The following LRRK1 variants were observed in gnomAD, a reference collection of about 807,000 sequenced individuals.
LRRK1 encodes leucine rich repeat kinase 1.
LRRK1 carries 113 observed loss-of-function variants against 209.1 expected under a neutral mutation model. That is an observed-to-expected ratio of 0.54 (90% CI 0.46 to 0.63). The LOEUF (loss-of-function observed/expected upper bound fraction) is 0.63. Among genes scored for constraint, LRRK1 ranks in the 30% least tolerant of loss-of-function variants. LRRK1 has a pLI of 0.00. For missense variants in LRRK1, 2,284 were observed against 2,632.2 expected, an observed-to-expected ratio of 0.87 and a Z score of 2.89; for synonymous variants, 1,144 against 1,099.7, an observed-to-expected ratio of 1.04 and a Z score of -0.80.
chr15:101,061,543 C>T (rs2036182040), intron 30 of LRRK1, among the ~76,000 whole-genome samples: 1 of 152,192 alleles, frequency 6.6e-6, no homozygotes, highest in East Asian at 1.9e-4. Flanking sequence ...AGATGTAGAC[C>T]CTCAGCAGGA....
In LRRK1 at chr15:100,989,269, A is replaced by G. The variant is rs1205832502; in HGVS notation, c.633A>G (p.Ile211Met). The change falls in exon 6 of 34, where the codon ATA (isoleucine) becomes ATG (methionine). Residue 211 changes from isoleucine to methionine, a missense_variant. By Grantham distance (10) the Ile-to-Met change is conservative. This residue lies in a region of LRRK1 where 134 missense variants were observed against 191.7 expected (regional missense o/e 0.70). Coordinates refer to ENST00000388948, the MANE Select transcript of LRRK1 (RefSeq NM_024652.6). ...CTTTAGGGAATGAAGACATTGCAAT[A>G]TTCCTGCTTCGGCATGGGGCCTATT... The part of the protein sequence containing the change: ...AIKSGNEDIA[I>M]FLLRHGAYFC... 6.2e-7 allele frequency: 1 copy of G among 1,614,130 alleles called. No individual in the cohort carries two copies. The highest frequency in any genetic ancestry group is 8.5e-7 in the Non-Finnish European group (1 of 1,180,008).
In LRRK1 at chr15:101,024,423, TCTC is replaced by T. The variant is rs1401363109; in HGVS notation, c.2068-373_2068-371del. 6.6e-6 allele frequency among the ~76,000 whole-genome samples: 1 copy of T among 152,102 alleles called. No homozygotes were observed. Among genetic ancestry groups the T allele is most frequent in the Non-Finnish European group, 1.5e-5 (1 of 68,004 alleles). ...TGAGCCCCACAAGTTCAGAGGCCCA[TCTC>T]CTCCTCTTGCCCTGGCACACAGGGA... On this transcript the variant is annotated intron_variant, in intron 15 of 33. Transcript: ENST00000388948. The surrounding 1 kb of genome is among the most constrained non-coding windows in gnomAD (Gnocchi z 4.6).
chr15:100,933,118 T>C (rs1445228563), intron 2 of LRRK1, among the ~76,000 whole-genome samples: 14 of 152,256 alleles, frequency 9.2e-5, no homozygotes. Flanking sequence ...AGACTCTGTG[T>C]TCCTGAGGGC....
Position 101,027,469 on chromosome 15 carries a change from A to G in LRRK1, c.2526+88A>G. The stretch of plus-strand genomic sequence containing the variant: ...CTTCCCCCTCTCTCCTGTGAAGCCC[A>G]TGTCTGTGTGGCAAGGCTCGGTGGT... On this transcript the variant is annotated intron_variant, in intron 18 of 33. Coordinates refer to ENST00000388948, the MANE Select transcript of LRRK1 (RefSeq NM_024652.6). The surrounding 1 kb of genome is among the most constrained non-coding windows in gnomAD (Gnocchi z 5.1). 6.4e-7 allele frequency: 1 copy of G among 1,552,562 alleles called. No individual in the cohort carries two copies. Among genetic ancestry groups the G allele is most frequent in the Non-Finnish European group, 8.7e-7 (1 of 1,147,892 alleles).
At chr15:100,967,716 A>G (rs1433175889) in intron 2 of LRRK1, among the ~76,000 whole-genome samples, 2 of 152,332 alleles carry the variant, frequency 1.3e-5, no homozygotes, top group East Asian at 1.9e-4. Flanking sequence ...ATCTATATTC[A>G]TATACCTACC....
At chr15:101,015,447 G>A in intron 12 of LRRK1, 45 bp downstream of exon 12, 1 of 1,469,342 alleles carries the variant, frequency 6.8e-7, no homozygotes, top group Non-Finnish European at 9.4e-7. Context: ...AGACAGCCGG[G>A]GTAGCCTGGT....
chr15:100,974,341 T>C (rs1330178375), intron 3 of LRRK1, among the ~76,000 whole-genome samples: 1 of 152,078 alleles, frequency 6.6e-6, no homozygotes, highest in Non-Finnish European at 1.5e-5. Context: ...GTAGGAAAAA[T>C]GGGACAAAAA....
rs1352877834 is a variant in LRRK1, at chr15:100,968,764, CCCTTCCCCTTT to C, written c.98-5018_98-5008del. On this transcript the variant is annotated intron_variant, in intron 2 of 33. Transcript: ENST00000388948. ...TTTTCCTTTCTTTCTTTCCTTCCTT[CCCTTCCCCTTT>C]CCTTCCCCTTTCCTTCCCCTTCCCC... 6.7e-3 allele frequency among the ~76,000 whole-genome samples: 983 copies of C among 147,146 alleles called. 14 individuals carry two copies. The highest frequency in any genetic ancestry group is 0.022 in the African/African-American group (863 of 39,360).
intron 6 of LRRK1, among the ~76,000 whole-genome samples, chr15:101,003,627 A>C (rs1359342708): frequency 1.3e-5 from 2 of 152,158 alleles, no homozygotes; most frequent in African/African-American, 4.8e-5. Context: ...AAACCATCAG[A>C]TCTCATGAGA....
Position 101,022,132 on chromosome 15 carries a change from A to G in LRRK1, c.1852+175A>G, listed in dbSNP as rs1218248003. 2.6e-5 allele frequency among the ~76,000 whole-genome samples: 4 copies of G among 152,286 alleles called. No individual in the cohort carries two copies. The highest frequency in any genetic ancestry group is 4.8e-5 in the African/African-American group (2 of 41,538). ...AAAGCAATCGTTACTGAGGGTCACT[A>G]TACTGAGAAGGACCAGGTGATACAA... On this transcript the variant is annotated intron_variant, in intron 14 of 33. Coordinates refer to ENST00000388948, the MANE Select transcript of LRRK1 (RefSeq NM_024652.6). This position sits in a 1 kb window ranked among gnomAD's most constrained non-coding sequence, Gnocchi z 4.0.
rs539244957 is a variant in LRRK1 at position 101,057,933 on chromosome 15, G to A, written c.4528-57G>A. The A allele has an allele frequency of 3.7e-5, 59 of 1,589,218 alleles. 1 individual carries two copies. The highest frequency in any genetic ancestry group is 1.5e-4 in the South Asian group (13 of 89,308). On this transcript the variant is annotated intron_variant, in intron 28 of 33. Transcript: ENST00000388948. ...GGCTGGCTGATCTCATGGGCAGAAC[G>A]GGCACCAATCCGGTTGTAAGTGACC...
At chr15:100,981,965 A>G (rs1297832580) in intron 3 of LRRK1, among the ~76,000 whole-genome samples, 1 of 152,264 alleles carries the variant, frequency 6.6e-6, no homozygotes, top group Admixed American at 6.5e-5. Context: ...ACTTAATTGT[A>G]AATCTGTGGA....
At chr15:100,920,375 T>C (rs1242304772) in intron 1 of LRRK1, 1 of 152,224 alleles carries the variant, frequency 6.6e-6, no homozygotes, top group Non-Finnish European at 1.5e-5. Context: ...AGCTAGAACA[T>C]GCACAATTTT....
In LRRK1 at chr15:101,073,042, C is replaced by T. The variant is rs1360566307; in HGVS notation, c.*4194C>T. The T allele has an allele frequency of 5.2e-6, 1 of 193,874 alleles. No homozygotes were observed. Among genetic ancestry groups the T allele is most frequent in the Non-Finnish European group, 1.0e-5 (1 of 98,402 alleles). The allele number at this position is 193,874 out of a possible 1,614,324, so 12.0% of individuals were successfully genotyped here. On this transcript the variant is annotated 3_prime_UTR_variant, in exon 34 of 34. Transcript: ENST00000388948. ...AAAGATCCACCTACAACCTCAAGTC[C>T]TCAGACCAACCAGCCCAAGAAACAT...
rs1312823683 is a variant in LRRK1 at position 101,053,424 on chromosome 15, C to T, written c.4054+4C>T. ...GTGCTGTCCGAGAACGCCAGAGGTA[C>T]CGCGGCGCGCCGCCCCACCCGGCCC... On this transcript the variant is annotated splice_donor_region_variant and intron_variant, in intron 26 of 33. Coordinates refer to ENST00000388948, the MANE Select transcript of LRRK1 (RefSeq NM_024652.6). 13 of 1,568,566 alleles carry T rather than the reference C, an allele frequency of 8.3e-6. No homozygotes were observed. The highest frequency in any genetic ancestry group is 1.1e-5 in the Non-Finnish European group (13 of 1,163,572).
chr15:100,949,100 A>T (rs1282516470), intron 2 of LRRK1, among the ~76,000 whole-genome samples: 3 of 152,152 alleles, frequency 2.0e-5, no homozygotes, highest in Non-Finnish European at 4.4e-5. Context: ...TCTTTGAAAA[A>T]ACCAACGATT....
intron 33 of LRRK1, among the ~76,000 whole-genome samples, 156 bp downstream of exon 33, chr15:101,066,897 G>C (rs953605767): frequency 6.6e-6 from 1 of 152,232 alleles, no homozygotes; most frequent in African/African-American, 2.4e-5. Context: ...ACAAGATGGG[G>C]CCCCTCAGAC....
In LRRK1 at chr15:100,973,841, C is replaced by A. The variant is rs377386363; in HGVS notation, c.135C>A (p.Gly45=). 1.5e-6 allele frequency: 2 copies of A among 1,294,202 alleles called. No individual in the cohort carries two copies. The highest frequency in any genetic ancestry group is 2.3e-5 in the South Asian group (1 of 43,362). The allele number at this position is 1,294,202 out of a possible 1,614,324, so 80.2% of individuals were successfully genotyped here. A position where few individuals can be genotyped will look rare whatever the true frequency, so the allele number is the denominator to read the frequency against. ...GDTGGKPSTR[G]GDPAARSRRT... is the part of the protein sequence containing the mutation. ...CGGGCGGCAAGCCGTCCACGCGGGG[C>A]GGTGACCCTGCAGCGCGGTCCCGCA... The change falls in exon 3 of 34, where the codon GGC becomes GGA. Residue 45 remains glycine (G), a synonymous_variant. Transcript: ENST00000388948.
chr15:100,920,543 T>G (rs973172517), intron 1 of LRRK1, among the ~76,000 whole-genome samples: 1 of 152,190 alleles, frequency 6.6e-6, no homozygotes, highest in Non-Finnish European at 1.5e-5. Context: ...CAAAAGTCGA[T>G]GTCTCTGGCA....
Sources: gnomAD v4.1 joint callset for allele counts (sites outside exome capture counted in the v4.1 genomes callset) on GRCh38, gnomAD v4.1.1 for gene constraint, gnomAD v4.1.1 regional missense constraint, Gnocchi (gnomAD v3.1) non-coding constraint, MANE v1.5 for transcripts, NCBI Gene and HGNC (gene_info 2026-07-23, HGNC 2026-07-21) for gene names.